Variants in ZNF600 observed in about 807,000 individuals in gnomAD.
ZNF600 encodes zinc finger protein 600.
In ZNF600, 4 loss-of-function variants were observed where a neutral mutation model predicts 7.3. The ratio of observed to expected loss-of-function variants is 0.55; its 90% CI spans 0.27 to 1.25. The LOEUF (loss-of-function observed/expected upper bound fraction) is 1.25, where lower values mean the gene tolerates loss of function less well. Ranked by LOEUF, ZNF600 falls within the 50% of genes most tolerant of loss-of-function variation. The pLI is 0.12. For synonymous variants in ZNF600, 290 were observed against 308.9 expected (o/e 0.94, Z 0.64); for missense variants, 911 against 922.1 (o/e 0.99, Z 0.16).
upstream of ZNF600, among the ~76,000 whole-genome samples, chr19:52,789,946 T>G (rs901312967): frequency 2.0e-5 from 3 of 151,578 alleles, no homozygotes; most frequent in Admixed American, 6.6e-5. Flanking sequence ...TCAAAGGGGG[T>G]TTGTTCCCTG....
At chr19:52,765,171 G>C (rs1208307536) in exon 4 of ZNF600, 1 of 453,720 alleles carries the variant, frequency 2.2e-6, no homozygotes, top group African/African-American at 2.0e-5. Flanking sequence ...ACTGCATTGG[G>C]AACAGTTATC....
chr19:52,765,921 C>T lies in ZNF600; in HGVS notation c.2042G>A (p.Cys681Tyr), dbSNP rs775285032. 20 of 1,614,006 alleles carry T rather than the reference C, an allele frequency of 1.2e-5. 1 individual carries two copies. The highest frequency in any genetic ancestry group is 1.6e-4 in the Middle Eastern group (1 of 6,084). Residue 681 changes from cysteine to tyrosine, a missense_variant, in exon 4 of 4, where the codon TGT (cysteine) becomes TAT (tyrosine). By Grantham distance (194) the Cys-to-Tyr change is radical (BLOSUM62 -2). Coordinates refer to ENST00000648973, the Ensembl canonical transcript of ZNF600. The stretch of plus-strand genomic sequence containing the variant: ...ATTAAAAGCCTTCCCACATTCATTA[C>T]ACTTGTAAGGTTTCTCTGCAGTGTG...
Position 52,766,893 on chromosome 19 carries a change from TTTGA to T in ZNF600, c.1066_1069del (p.Ser356ThrfsTer115), listed in dbSNP as rs2062585930. On this transcript the variant is annotated frameshift_variant, in exon 4 of 4. Coordinates refer to ENST00000648973, the Ensembl canonical transcript of ZNF600. LOFTEE classifies it low-confidence loss of function (END_TRUNC). Reference sequence around the variant, plus strand: ...ATGAATTCTACGATGACGTGCAAGGTTTGATTGCTGATTAAAAGCTTTGTCACAT... The same window carrying T: ...ATGAATTCTACGATGACGTGCAAGGTTTGCTGATTAAAAGCTTTGTCACAT... 6.8e-6 allele frequency: 11 copies of T among 1,614,056 alleles called. No homozygotes were observed. The highest frequency in any genetic ancestry group is 8.5e-6 in the Non-Finnish European group (10 of 1,180,036).
chr19:52,827,361 A>G, the ZNF600 span, among the ~76,000 whole-genome samples: 1 of 152,052 alleles, frequency 6.6e-6, no homozygotes, highest in Admixed American at 6.6e-5. Flanking sequence ...ATCAGTGCAC[A>G]TTAATGTATG....
chr19:52,787,241 A>G (rs373273165), upstream of ZNF600, among the ~76,000 whole-genome samples: 139 of 152,062 alleles, frequency 9.1e-4, 2 homozygotes, highest in East Asian at 0.015. Context: ...CTGCCTAAAC[A>G]CAGCAGGGAT....
At chr19:52,807,981 G>A in the ZNF600 span, 1 of 1,612,366 alleles carries the variant, frequency 6.2e-7, no homozygotes. Flanking sequence ...ATACACAAGG[G>A]CACATCCCCA....
intron 3 of ZNF600, among the ~76,000 whole-genome samples, chr19:52,772,527 C>A (rs1205877551): frequency 6.6e-6 from 1 of 152,126 alleles, no homozygotes; most frequent in African/African-American, 2.4e-5. Context: ...CCCTTGAACC[C>A]GGGAGGTGGA....
chr19:52,770,966 T>C (rs1187948156), intron 3 of ZNF600, among the ~76,000 whole-genome samples: 1 of 152,082 alleles, frequency 6.6e-6, no homozygotes, highest in Non-Finnish European at 1.5e-5. Context: ...CCCGAGTAGC[T>C]GGGATTACAG....
chr19:52,818,040 T>A, the ZNF600 span: 1 of 1,595,550 alleles, frequency 6.3e-7, no homozygotes, highest in Non-Finnish European at 8.6e-7. Context: ...TCCTGAATGT[T>A]AAAAATATGT....
the ZNF600 span, among the ~76,000 whole-genome samples, chr19:52,824,696 A>C: frequency 1.3e-5 from 2 of 152,126 alleles, no homozygotes; most frequent in African/African-American, 4.8e-5. Context: ...AGGTCTCAGG[A>C]ATCTCTAGCC....
chr19:52,820,555 C>T, the ZNF600 span, among the ~76,000 whole-genome samples: 45 of 152,042 alleles, frequency 3.0e-4, no homozygotes, highest in African/African-American at 6.8e-4. Context: ...CCCAGTCTGG[C>T]ACCCCAGATC....
chr19:52,807,556 A>C, the ZNF600 span, among the ~76,000 whole-genome samples: 134,161 of 152,202 alleles, frequency 0.88, 59,365 homozygotes, highest in East Asian at 0.91. Flanking sequence ...TCAATGCAAA[A>C]CTTGGCCTCC....
chr19:52,780,236 C>G (rs2062709307), intron 1 of ZNF600, among the ~76,000 whole-genome samples: 1 of 152,188 alleles, frequency 6.6e-6, no homozygotes. Flanking sequence ...AATAAACTTT[C>G]TAAATTAACT....
the ZNF600 span, among the ~76,000 whole-genome samples, chr19:52,826,398 C>T: frequency 2.0e-5 from 3 of 151,890 alleles, no homozygotes; most frequent in African/African-American, 7.3e-5. Flanking sequence ...TGGTGAAACC[C>T]TGTTTCTACT....
At chr19:52,825,869 TC>T in the ZNF600 span, among the ~76,000 whole-genome samples, 2 of 152,134 alleles carry the variant, frequency 1.3e-5, no homozygotes, top group East Asian at 3.9e-4. Context: ...ACACCTTTAG[TC>T]CCAGGTATTC....
chr19:52,829,759 C>CA, the ZNF600 span, among the ~76,000 whole-genome samples: 1 of 151,370 alleles, frequency 6.6e-6, no homozygotes, highest in South Asian at 2.1e-4. Flanking sequence ...CGATCTACCC[C>CA]CCTCAGCCTC....
the ZNF600 span, chr19:52,810,374 C>T: frequency 5.0e-6 from 8 of 1,604,918 alleles, no homozygotes; most frequent in Non-Finnish European, 6.8e-6. Flanking sequence ...ACTTTCATGG[C>T]TGTGGTTCAG....
At chr19:52,783,965 T>C (rs2062744280) in intron 1 of ZNF600, among the ~76,000 whole-genome samples, 1 of 152,080 alleles carries the variant, frequency 6.6e-6, no homozygotes, top group Admixed American at 6.6e-5. Flanking sequence ...TCCCAGCTAC[T>C]CGGGGGAAGT....
chr19:52,814,109 C>G, the ZNF600 span, among the ~76,000 whole-genome samples: 3 of 146,506 alleles, frequency 2.0e-5, no homozygotes, highest in Non-Finnish European at 4.4e-5. Context: ...GTGTACAAGA[C>G]TTGCTCTGAC....
Sources: gnomAD v4.1 joint callset for allele counts (sites outside exome capture counted in the v4.1 genomes callset) on GRCh38, gnomAD v4.1.1 for gene constraint, MANE v1.5 for transcripts, NCBI Gene and HGNC (gene_info 2026-07-23, HGNC 2026-07-21) for gene names.